The following PAPPA2 variants were observed in gnomAD, a reference collection of about 807,000 sequenced individuals.
PAPPA2 encodes pappalysin-2.
A neutral mutation model predicts 176.4 loss-of-function variants in PAPPA2; 86 were observed. The observed-to-expected ratio is 0.49, with a 90% CI of 0.41 to 0.58. The LOEUF (loss-of-function observed/expected upper bound fraction) is 0.58. PAPPA2 is among the 20% of genes least tolerant of loss of function. The pLI is 0.00. For synonymous variants in PAPPA2, 809 were observed against 852.2 expected, an observed-to-expected ratio of 0.95 and a Z score of 0.88; for missense variants, 2,073 against 2,256.9, an observed-to-expected ratio of 0.92 and a Z score of 1.65.
intron 1 of PAPPA2, among the ~76,000 whole-genome samples, chr1:176,541,826 A>G (rs911970341): frequency 6.6e-6 from 1 of 152,230 alleles, no homozygotes; most frequent in Non-Finnish European, 1.5e-5. Context: ...AAGTCACACC[A>G]TTGATGCAAT....
chr1:176,676,222 C>G (rs2102782724), intron 4 of PAPPA2, among the ~76,000 whole-genome samples: 1 of 152,078 alleles, frequency 6.6e-6, no homozygotes, highest in East Asian at 1.9e-4. Context: ...TAATTGGACT[C>G]CTGGTCATTA....
At chr1:176,702,549 A>C in intron 8 of PAPPA2, 58 bp from the exon 9 acceptor site, 1 of 1,600,430 alleles carries the variant, frequency 6.2e-7, no homozygotes, top group South Asian at 1.1e-5. Context: ...TCAACAAAGG[A>C]CCCAGGGCAT....
chr1:176,571,469 A>G (rs1205749643), intron 2 of PAPPA2, among the ~76,000 whole-genome samples: 2 of 152,200 alleles, frequency 1.3e-5, no homozygotes, highest in Non-Finnish European at 2.9e-5. Flanking sequence ...CTATGTGTTG[A>G]GAGCCATGCC....
intron 3 of PAPPA2, among the ~76,000 whole-genome samples, chr1:176,669,835 C>A (rs1188506606): frequency 6.6e-6 from 1 of 152,150 alleles, no homozygotes; most frequent in African/African-American, 2.4e-5. Flanking sequence ...GGAGGCAGAG[C>A]AAGCTAGAGG....
intron 1 of PAPPA2, among the ~76,000 whole-genome samples, chr1:176,545,036 G>A (rs1437415029): frequency 6.6e-6 from 1 of 152,046 alleles, no homozygotes; most frequent in African/African-American, 2.4e-5. Flanking sequence ...CTTCCTTTTG[G>A]GTTTTTATCT....
chr1:176,552,136 A>T (rs2102582798), intron 1 of PAPPA2, among the ~76,000 whole-genome samples: 1 of 152,202 alleles, frequency 6.6e-6, no homozygotes, highest in East Asian at 1.9e-4. Flanking sequence ...TTTAATCATC[A>T]TGGATCTAAC....
At chr1:176,513,727 T>C (rs1299410808) in intron 1 of PAPPA2, among the ~76,000 whole-genome samples, 1 of 152,138 alleles carries the variant, frequency 6.6e-6, no homozygotes, top group Non-Finnish European at 1.5e-5. Context: ...AATTATTCCC[T>C]GAAAGACTCT....
chr1:176,777,893 T>C (rs1664530752), intron 17 of PAPPA2, among the ~76,000 whole-genome samples: 1 of 152,046 alleles, frequency 6.6e-6, no homozygotes, highest in Non-Finnish European at 1.5e-5. Flanking sequence ...TAATGGCTCT[T>C]ACAAAATAAC....
intron 3 of PAPPA2, among the ~76,000 whole-genome samples, chr1:176,597,481 C>G (rs1407250042): frequency 6.6e-6 from 1 of 151,944 alleles, no homozygotes; most frequent in Non-Finnish European, 1.5e-5. Context: ...CTGTTTGGAA[C>G]AATGAGAACA....
At chr1:176,817,879 G>C (rs1434119281) in intron 21 of PAPPA2, among the ~76,000 whole-genome samples, 1 of 152,110 alleles carries the variant, frequency 6.6e-6, no homozygotes, top group African/African-American at 2.4e-5. Flanking sequence ...TATTGAGAAA[G>C]GAGGAACGTA....
Position 176,710,051 on chromosome 1 carries a change from A to G in PAPPA2, c.3526A>G (p.Ile1176Val). The G allele has an allele frequency of 6.2e-7, 1 of 1,613,822 alleles. No homozygotes were observed. The highest frequency in any genetic ancestry group is 1.1e-5 in the South Asian group (1 of 91,060). ...TGAACCTTTTGAGAGAAAAACCAGC[A>G]TTGTAGACTGTGGCATCTACACTCC... ...ICEPFERKTS[I>V]VDCGIYTPKG... Residue 1176 changes from isoleucine (I) to valine (V), a missense_variant, in exon 11 of 23, where the codon ATT (isoleucine) becomes GTT (valine). Coordinates refer to ENST00000367662, the MANE Select transcript of PAPPA2 (RefSeq NM_020318.3).
At chr1:176,543,473 G>A (rs1014920897) in intron 1 of PAPPA2, among the ~76,000 whole-genome samples, 1 of 151,964 alleles carries the variant, frequency 6.6e-6, no homozygotes, top group Admixed American at 6.6e-5. Flanking sequence ...GGCCTCTTCT[G>A]TTTGGTCACT....
chr1:176,581,410 G>T (rs1277602819), intron 2 of PAPPA2, among the ~76,000 whole-genome samples: 1 of 152,130 alleles, frequency 6.6e-6, no homozygotes, highest in African/African-American at 2.4e-5. Context: ...CTCCAGCTTT[G>T]TTCTTTTTGC....
chr1:176,512,252 A>C (rs1159189818), intron 1 of PAPPA2, among the ~76,000 whole-genome samples: 2 of 150,062 alleles, frequency 1.3e-5, no homozygotes, highest in African/African-American at 4.9e-5. Context: ...AGACCACATT[A>C]AGTGTTGGCA....
intron 1 of PAPPA2, among the ~76,000 whole-genome samples, chr1:176,464,965 A>T (rs948769245): frequency 6.6e-6 from 1 of 152,208 alleles, no homozygotes; most frequent in African/African-American, 2.4e-5. Context: ...TGAATTATTC[A>T]TATTTATATT....
chr1:176,711,826 G>A lies in PAPPA2; in HGVS notation c.3652-9G>A, dbSNP rs1291729330. On this transcript the variant is annotated splice_polypyrimidine_tract_variant and intron_variant, in intron 11 of 22. Coordinates refer to ENST00000367662, the MANE Select transcript of PAPPA2 (RefSeq NM_020318.3). The stretch of plus-strand genomic sequence containing the variant: ...ACACTTCAAATTGTTGGTTGAAATT[G>A]TATTTCAGATTTGCACATCATACCA... The A allele has an allele frequency of 6.3e-7, 1 of 1,591,056 alleles. No homozygotes were observed. Among genetic ancestry groups the A allele is most frequent in the Non-Finnish European group, 8.6e-7 (1 of 1,160,562 alleles).
intron 4 of PAPPA2, among the ~76,000 whole-genome samples, chr1:176,686,026 T>C (rs1264486662): frequency 1.3e-5 from 2 of 152,186 alleles, no homozygotes; most frequent in Non-Finnish European, 2.9e-5. Context: ...TGTGTGTCTG[T>C]GAGTGATTAA....
intron 1 of PAPPA2, among the ~76,000 whole-genome samples, chr1:176,493,305 C>T (rs1283318931): frequency 1.3e-5 from 2 of 152,184 alleles, no homozygotes; most frequent in Non-Finnish European, 2.9e-5. Context: ...ATTTGCCTCC[C>T]TCTTTCTAAG....
chr1:176,836,963 C>T (rs1034596671), intron 21 of PAPPA2, among the ~76,000 whole-genome samples: 4 of 152,080 alleles, frequency 2.6e-5, no homozygotes, highest in African/African-American at 9.7e-5. Flanking sequence ...ACTGACTATA[C>T]CCATAGACAG....
Sources: gnomAD v4.1 joint callset for allele counts (sites outside exome capture counted in the v4.1 genomes callset) on GRCh38, gnomAD v4.1.1 for gene constraint, MANE v1.5 for transcripts, NCBI Gene and HGNC (gene_info 2026-07-23, HGNC 2026-07-21) for gene names.